Variants in KLHL3 observed in about 807,000 individuals in gnomAD.
KLHL3 encodes the protein kelch like family member 3.
In KLHL3, 19 loss-of-function variants were observed where a neutral mutation model predicts 70.5. The ratio of observed to expected loss-of-function variants is 0.27; its 90% CI spans 0.19 to 0.40. KLHL3 has a LOEUF of 0.40. Among genes scored for constraint, KLHL3 ranks in the 10% least tolerant of loss-of-function variants. KLHL3 has a pLI of 1.00. For missense variants in KLHL3, 512 were observed against 771.1 expected (o/e 0.66, Z 3.98); for synonymous variants, 258 against 290.3 (o/e 0.89, Z 1.13).
chr5:137,658,402 A>C, intron 7 of KLHL3, 122 bp from the exon 8 acceptor site: 38 of 909,284 alleles, frequency 4.2e-5, no homozygotes, highest in Non-Finnish European at 5.5e-5. Context: ...ACATCATCTC[A>C]GACCCAAAGA....
chr5:137,661,546 ACATTTG>A (rs1353430136), intron 7 of KLHL3: 4 of 168,352 alleles, frequency 2.4e-5, no homozygotes, highest in Non-Finnish European at 3.8e-5. Context: ...CTTTCATGGA[ACATTTG>A]TTACCCCAGG....
chr5:137,640,354 GACGT>G (rs1750882851), intron 8 of KLHL3, among the ~76,000 whole-genome samples: 1 of 152,156 alleles, frequency 6.6e-6, no homozygotes, highest in African/African-American at 2.4e-5. Context: ...TCAGAATTTG[GACGT>G]ATGTTTTAAA....
intron 11 of KLHL3, among the ~76,000 whole-genome samples, 189 bp downstream of exon 11, chr5:137,637,105 G>A (rs1169086244): frequency 6.6e-6 from 1 of 152,110 alleles, no homozygotes; most frequent in Non-Finnish European, 1.5e-5. Context: ...GCAGCCTTGG[G>A]CCAGGAGCTC....
rs371862860 is a variant in KLHL3, at chr5:137,620,883, G to A, written c.*1215C>T. 6 of 152,212 alleles carry A rather than the reference G, an allele frequency of 3.9e-5. No individual in the cohort carries two copies. Among genetic ancestry groups the A allele is most frequent in the African/African-American group, 1.4e-4 (6 of 41,434 alleles). 9.4% of individuals were successfully genotyped at this position (152,212 alleles called of 1,614,324 possible). On this transcript the variant is annotated 3_prime_UTR_variant, in exon 15 of 15. Transcript: ENST00000309755. ...ACCCTGGAATAGGGGGAAAGCACAA[G>A]AAAAAGAAGACAAGGACATTAGACA...
intron 6 of KLHL3, among the ~76,000 whole-genome samples, chr5:137,668,236 T>C (rs952144671): frequency 3.3e-4 from 50 of 151,878 alleles, no homozygotes; most frequent in Non-Finnish European, 2.2e-4. Context: ...ACAGCGAAAC[T>C]CCATCTCTAC....
At chr5:137,689,452 G>A (rs903593093) in intron 5 of KLHL3, among the ~76,000 whole-genome samples, 2 of 152,162 alleles carry the variant, frequency 1.3e-5, no homozygotes, top group African/African-American at 4.8e-5. Context: ...ACAATGGATT[G>A]GATAAAGAAA....
chr5:137,712,287 T>C (rs1056091171), intron 2 of KLHL3, among the ~76,000 whole-genome samples: 2 of 151,606 alleles, frequency 1.3e-5, no homozygotes, highest in African/African-American at 4.9e-5. Flanking sequence ...CAAACAAATG[T>C]CAGGGTGTGT....
intron 4 of KLHL3, among the ~76,000 whole-genome samples, chr5:137,694,230 G>C (rs892463794): frequency 9.2e-5 from 14 of 152,084 alleles, no homozygotes; most frequent in African/African-American, 2.9e-4. Context: ...CTGAGTTCTA[G>C]AAAACGTGCT....
chr5:137,663,526 TTAA>T (rs1751538811), intron 6 of KLHL3, among the ~76,000 whole-genome samples: 1 of 151,144 alleles, frequency 6.6e-6, no homozygotes, highest in South Asian at 2.1e-4. Context: ...TTAAAGTATG[TTAA>T]TAATAAATAT....
chr5:137,706,825 C>G (rs1357835879), intron 3 of KLHL3, among the ~76,000 whole-genome samples: 2 of 152,160 alleles, frequency 1.3e-5, no homozygotes, highest in East Asian at 3.8e-4. Context: ...TATGGAAGAC[C>G]ATGCTAGGCA....
intron 1 of KLHL3, among the ~76,000 whole-genome samples, chr5:137,731,496 C>G (rs1489560803): frequency 6.6e-6 from 1 of 152,178 alleles, no homozygotes; most frequent in Non-Finnish European, 1.5e-5. Context: ...TACTGGCTTT[C>G]TAAGTCTTGT....
At chr5:137,707,905 C>G (rs900606933) in intron 3 of KLHL3, among the ~76,000 whole-genome samples, 1 of 152,164 alleles carries the variant, frequency 6.6e-6, no homozygotes, top group South Asian at 2.1e-4. Flanking sequence ...AAACAGATTC[C>G]TCTCTCAACA....
chr5:137,698,131 G>A (rs1345608911), intron 4 of KLHL3, among the ~76,000 whole-genome samples, 156 bp downstream of exon 4: 1 of 152,216 alleles, frequency 6.6e-6, no homozygotes, highest in South Asian at 2.1e-4. Context: ...CCACCTCCTG[G>A]CCATGTGGCC....
intron 1 of KLHL3, among the ~76,000 whole-genome samples, chr5:137,733,560 T>C (rs1348462849): frequency 6.6e-6 from 1 of 152,216 alleles, no homozygotes; most frequent in African/African-American, 2.4e-5. Context: ...TATTATTCAG[T>C]GTCCAACTAT....
Position 137,709,881 on chromosome 5 carries a change from G to A in KLHL3, c.135-25C>T, listed in dbSNP as rs772132524. ...ACTGTAAGACACCAGTGAGAGGACA[G>A]GATGGGTTGCAGCAAGGACACCTAC... On this transcript the variant is annotated intron_variant, in intron 2 of 14. Transcript: ENST00000309755. 1.6e-5 allele frequency: 26 copies of A among 1,590,786 alleles called. 1 individual carries two copies. The Middle Eastern group carries it at 6.6e-4, about 41-fold the overall frequency.
chr5:137,621,642 AT>A lies in KLHL3; in HGVS notation c.*455del. Reference sequence around the variant, plus strand: ...CAGCTTTAGTAGTCTCAGGGTCCCCATGGGACAAATCCAGAAGAGAGGTCTC... The same window carrying A: ...CAGCTTTAGTAGTCTCAGGGTCCCCAGGGACAAATCCAGAAGAGAGGTCTC... On this transcript the variant is annotated 3_prime_UTR_variant, in exon 15 of 15. Transcript: ENST00000309755. 1 of 161,208 alleles carries A rather than the reference AT, an allele frequency of 6.2e-6. No homozygotes were observed. The allele number at this position is 161,208 out of a possible 1,614,324, so 10.0% of individuals were successfully genotyped here.
chr5:137,666,495 T>C (rs1423678664), intron 6 of KLHL3, among the ~76,000 whole-genome samples: 1 of 152,206 alleles, frequency 6.6e-6, no homozygotes, highest in African/African-American at 2.4e-5. Flanking sequence ...AGCTGAAGAA[T>C]GAACTACAAG....
chr5:137,693,708 G>T (rs1440603487), intron 4 of KLHL3, among the ~76,000 whole-genome samples: 1 of 152,070 alleles, frequency 6.6e-6, no homozygotes, highest in East Asian at 1.9e-4. Context: ...TAATCCCCTT[G>T]CCCCAGGCCT....
chr5:137,624,660 G>A (rs1259160502), intron 14 of KLHL3, among the ~76,000 whole-genome samples: 1 of 152,172 alleles, frequency 6.6e-6, no homozygotes, highest in East Asian at 1.9e-4. Context: ...GAATATTCCT[G>A]GAGTCGTGGT....
Sources: allele counts gnomAD v4.1 joint callset (sites outside exome capture counted in the v4.1 genomes callset), GRCh38; gene constraint gnomAD v4.1.1; transcripts MANE v1.5; gene names NCBI Gene and HGNC (gene_info 2026-07-23, HGNC 2026-07-21).